GADL1: variants seen among roughly 807,000 people sequenced by gnomAD.
GADL1 encodes GAD like acidic amino acid decarboxylase 1, also known as acidic amino acid decarboxylase GADL1.
GADL1 carries 71 observed loss-of-function variants against 69.5 expected under a neutral mutation model. That is an observed-to-expected ratio of 1.02 (90% CI 0.84 to 1.25). The LOEUF (loss-of-function observed/expected upper bound fraction) is 1.25, where lower values mean the gene tolerates loss of function less well. Among genes scored for constraint, GADL1 ranks in the 50% most tolerant of loss-of-function variants. GADL1 has a pLI of 0.00. For missense variants in GADL1, 737 were observed against 631.8 expected (o/e 1.17, Z -1.79); for synonymous variants, 254 against 214.4 (o/e 1.18, Z -1.62).
intron 14 of GADL1, among the ~76,000 whole-genome samples, chr3:30,772,144 ATCACC>A (rs1696431552): frequency 7.0e-6 from 1 of 142,274 alleles, no homozygotes; most frequent in South Asian, 2.2e-4. Context: ...ATCAAGTTTT[ATCACC>A]AAACAATAAA....
At chr3:30,826,224 T>C (rs1374616516) in intron 11 of GADL1, among the ~76,000 whole-genome samples, 1 of 151,936 alleles carries the variant, frequency 6.6e-6, no homozygotes, top group Non-Finnish European at 1.5e-5. Flanking sequence ...AATAGAATCC[T>C]CTCTCTGGGA....
chr3:30,852,658 T>G (rs1478442479), intron 4 of GADL1, among the ~76,000 whole-genome samples: 2 of 151,816 alleles, frequency 1.3e-5, no homozygotes, highest in East Asian at 3.9e-4. Flanking sequence ...AAAAAAAGTA[T>G]TTAGCCTGTC....
intron 8 of GADL1, among the ~76,000 whole-genome samples, 171 bp from the exon 9 acceptor site, chr3:30,839,284 T>C (rs1425157682): frequency 2.6e-5 from 4 of 152,006 alleles, no homozygotes; most frequent in African/African-American, 9.7e-5. Context: ...CCTCTTGGCA[T>C]TATAAACAGA....
At chr3:30,890,219 T>C (rs151012540) in intron 1 of GADL1, among the ~76,000 whole-genome samples, 2 of 152,316 alleles carry the variant, frequency 1.3e-5, no homozygotes, top group Non-Finnish European at 2.9e-5. Flanking sequence ...ATTTCGGGAA[T>C]CATGCATTGT....
rs149717777 is a variant in GADL1 at position 30,762,947 on chromosome 3, G to T, written c.1392+15232C>A. On this transcript the variant is annotated intron_variant, in intron 14 of 14. Transcript: ENST00000282538. ...TTTTATGGTTGACTAGTATTCCATT[G>T]TGTATATGTACCATACTTTATCTGT... 7.2e-5 allele frequency among the ~76,000 whole-genome samples: 11 copies of T among 152,218 alleles called. No homozygotes were observed. The East Asian group carries it at 2.1e-3, about 29-fold the overall frequency.
chr3:30,835,277 T>TG (rs1390728359), intron 9 of GADL1, among the ~76,000 whole-genome samples: 3 of 151,942 alleles, frequency 2.0e-5, no homozygotes, highest in Non-Finnish European at 2.9e-5. Flanking sequence ...AGAATGAGGG[T>TG]GACAGAGATG....
At chr3:30,771,836 T>C (rs1239763777) in intron 14 of GADL1, among the ~76,000 whole-genome samples, 1 of 152,226 alleles carries the variant, frequency 6.6e-6, no homozygotes, top group Non-Finnish European at 1.5e-5. Context: ...TGTATGCATA[T>C]CTACAAGTCC....
intron 12 of GADL1, among the ~76,000 whole-genome samples, chr3:30,793,069 G>A (rs1026450258): frequency 2.0e-5 from 3 of 152,016 alleles, no homozygotes; most frequent in African/African-American, 4.8e-5. Context: ...TGAGTACTTC[G>A]AATCTCTAGG....
At chr3:30,871,744 C>A (rs1698485004) in intron 1 of GADL1, among the ~76,000 whole-genome samples, 1 of 151,694 alleles carries the variant, frequency 6.6e-6, no homozygotes, top group Non-Finnish European at 1.5e-5. Flanking sequence ...CCAAGGCATC[C>A]CCACAAACCA....
chr3:30,740,808 C>T lies in GADL1; in HGVS notation c.1393-12393G>A, dbSNP rs1219679058. On this transcript the variant is annotated intron_variant, in intron 14 of 14. Coordinates refer to ENST00000282538, the MANE Select transcript of GADL1 (RefSeq NM_207359.3). ...TAGAAAAACCCTTTATTATTAAGAA[C>T]ATTAATTCTGACTTTACGTGTTGCA... Among the ~76,000 whole-genome samples, 11 of 150,498 alleles carry T rather than the reference C, an allele frequency of 7.3e-5. No individual in the cohort carries two copies. The South Asian group carries it at 1.0e-3, about 14-fold the overall frequency.
chr3:30,837,210 C>A (rs1331108664), intron 9 of GADL1, among the ~76,000 whole-genome samples: 1 of 152,012 alleles, frequency 6.6e-6, no homozygotes, highest in Admixed American at 6.6e-5. Context: ...AGATTTCAAA[C>A]AGGTCAAAGC....
intron 2 of GADL1, among the ~76,000 whole-genome samples, chr3:30,857,618 T>G (rs1212709500): frequency 6.6e-6 from 1 of 152,024 alleles, no homozygotes; most frequent in Non-Finnish European, 1.5e-5. Context: ...CTATGCAGTC[T>G]GCTATCGACC....
At position 30,851,640 on chromosome 3, in the gene GADL1, C is replaced by G. The variant is rs910853798; in HGVS notation, c.429-699G>C. On this transcript the variant is annotated intron_variant, in intron 4 of 14. Transcript: ENST00000282538. ...GGGTCACACCCATTCTTGTGGTGGT[C>G]TACACCTGATAACTGCTGGAGATGT... Among the ~76,000 whole-genome samples, 6 of 145,628 alleles carry G rather than the reference C, an allele frequency of 4.1e-5. 1 individual carries two copies. Among genetic ancestry groups the G allele is most frequent in the Middle Eastern group, 7.0e-3 (2 of 284 alleles).
chr3:30,755,304 TTTC>T (rs1169204743), intron 14 of GADL1, among the ~76,000 whole-genome samples: 2 of 152,212 alleles, frequency 1.3e-5, no homozygotes, highest in African/African-American at 4.8e-5. Context: ...CCTGGATGCT[TTTC>T]TTATTAAATA....
intron 1 of GADL1, among the ~76,000 whole-genome samples, chr3:30,871,049 G>GTGTGTGTGTC (rs1553603742): frequency 4.1e-5 from 6 of 147,396 alleles, no homozygotes; most frequent in African/African-American, 1.5e-4. Context: ...AAAAGTGTGT[G>GTGTGTGTGTC]TGTGTGTGTG....
chr3:30,766,513 A>G (rs1331499925), intron 14 of GADL1, among the ~76,000 whole-genome samples: 1 of 152,106 alleles, frequency 6.6e-6, no homozygotes, highest in Non-Finnish European at 1.5e-5. Flanking sequence ...TACATGTACT[A>G]TCCTATTTAG....
chr3:30,741,616 G>A (rs1266001337), intron 14 of GADL1, among the ~76,000 whole-genome samples: 1 of 152,070 alleles, frequency 6.6e-6, no homozygotes, highest in Non-Finnish European at 1.5e-5. Context: ...TAGTCTCCTA[G>A]AGGACATCCA....
In GADL1 at chr3:30,727,611, T is replaced by G. The variant is rs1695389046; in HGVS notation, c.*631A>C. 1 of 152,184 alleles carries G rather than the reference T, an allele frequency of 6.6e-6. No homozygotes were observed. The highest frequency in any genetic ancestry group is 1.5e-5 in the Non-Finnish European group (1 of 68,030). 9.4% of individuals were successfully genotyped at this position (152,184 alleles called of 1,614,324 possible). A position where few individuals can be genotyped will look rare whatever the true frequency, so the allele number is the denominator to read the frequency against. ...TTGTGCTGCAGATGCCATAGTTGTA[T>G]TTTTTCAAAGACTGGCTCAGAGGCT... On this transcript the variant is annotated 3_prime_UTR_variant, in exon 15 of 15. Coordinates refer to ENST00000282538, the MANE Select transcript of GADL1 (RefSeq NM_207359.3).
intron 12 of GADL1, among the ~76,000 whole-genome samples, chr3:30,791,305 T>C (rs1243546996): frequency 6.6e-6 from 1 of 152,210 alleles, no homozygotes; most frequent in Non-Finnish European, 1.5e-5. Context: ...AAGCTTGTTA[T>C]GATTTCATCC....
Sources: gnomAD v4.1 joint callset for allele counts (sites outside exome capture counted in the v4.1 genomes callset) on GRCh38, gnomAD v4.1.1 for gene constraint, MANE v1.5 for transcripts, NCBI Gene and HGNC (gene_info 2026-07-23, HGNC 2026-07-21) for gene names.